Variants in ATP8A2 observed in about 807,000 individuals in gnomAD.
The protein encoded by ATP8A2 is ATPase phospholipid transporting 8A2.
In ATP8A2, 100 loss-of-function variants were observed where a neutral mutation model predicts 165.6. The ratio of observed to expected loss-of-function variants is 0.60; its 90% CI spans 0.51 to 0.71. The LOEUF is 0.71. ATP8A2 is among the 30% of genes least tolerant of loss of function. ATP8A2 has a pLI of 0.00. For missense variants in ATP8A2, 1,227 were observed against 1,479.5 expected, an observed-to-expected ratio of 0.83 and a Z score of 2.80; for synonymous variants, 543 against 548.8, an observed-to-expected ratio of 0.99 and a Z score of 0.15.
At chr13:25,860,172 A>G in intron 30 of ATP8A2, 23 bp from the exon 31 acceptor site, 1 of 1,579,268 alleles carries the variant, frequency 6.3e-7, no homozygotes, top group Non-Finnish European at 8.7e-7. Context: ...TTGGATGTTA[A>G]TAGTAACTTC....
intron 1 of ATP8A2, among the ~76,000 whole-genome samples, chr13:25,384,681 CA>C (rs1183077578): frequency 6.6e-6 from 1 of 152,068 alleles, no homozygotes; most frequent in African/African-American, 2.4e-5. Flanking sequence ...TTTTTCATAA[CA>C]GCCTAGTATT....
At chr13:25,519,761 G>C (rs573058309) in intron 2 of ATP8A2, among the ~76,000 whole-genome samples, 1 of 152,116 alleles carries the variant, frequency 6.6e-6, no homozygotes, top group East Asian at 1.9e-4. Flanking sequence ...TTCGTCACAC[G>C]AGTGGGAATG....
intron 6 of ATP8A2, among the ~76,000 whole-genome samples, chr13:25,535,568 C>T (rs2137951833): frequency 6.6e-6 from 1 of 152,258 alleles, no homozygotes; most frequent in African/African-American, 2.4e-5. Context: ...AATCCCAGCA[C>T]TTTGGGAGGC....
rs140079746 is a variant in ATP8A2, at chr13:25,719,131, G to A, written c.2384+19786G>A. Among the ~76,000 whole-genome samples the A allele has an allele frequency of 7.3e-4, 111 of 152,246 alleles. No homozygotes were observed. In the East Asian group the frequency reaches 0.011, roughly 15 times the overall value. On this transcript the variant is annotated intron_variant, in intron 25 of 36. Transcript: ENST00000381655. The stretch of plus-strand genomic sequence containing the variant: ...GATCCTGTGAATCCATCTCCGTGTC[G>A]GAAACTTCCGTGATCCGGCTCTATG...
At chr13:25,460,873 G>A (rs1308467575) in intron 1 of ATP8A2, among the ~76,000 whole-genome samples, 2 of 151,938 alleles carry the variant, frequency 1.3e-5, no homozygotes, top group Non-Finnish European at 1.5e-5. Flanking sequence ...CTGTTTCTTT[G>A]GCCCCCATTG....
At chr13:25,959,542 G>A (rs1955608098) in intron 33 of ATP8A2, among the ~76,000 whole-genome samples, 1 of 152,212 alleles carries the variant, frequency 6.6e-6, no homozygotes, top group Admixed American at 6.5e-5. Flanking sequence ...GTACGTGTGG[G>A]TGTACCTCAT....
At chr13:25,659,792 A>T (rs543466747) in intron 24 of ATP8A2, among the ~76,000 whole-genome samples, 1 of 152,188 alleles carries the variant, frequency 6.6e-6, no homozygotes, top group South Asian at 2.1e-4. Context: ...CAGCTTTGTG[A>T]TGTCATTGAA....
chr13:25,831,390 T>G, intron 28 of ATP8A2, among the ~76,000 whole-genome samples: 1 of 151,916 alleles, frequency 6.6e-6, no homozygotes, highest in Admixed American at 6.6e-5. Context: ...AATTTTTGTA[T>G]TTTTAGTAGA....
intron 1 of ATP8A2, among the ~76,000 whole-genome samples, chr13:25,396,503 G>C (rs1282401954): frequency 6.6e-6 from 1 of 152,108 alleles, no homozygotes; most frequent in Admixed American, 6.5e-5. Context: ...AGAAACTTCT[G>C]CTTCTGAGGC....
At chr13:25,943,218 G>A (rs1321677894) in intron 33 of ATP8A2, among the ~76,000 whole-genome samples, 10 of 152,130 alleles carry the variant, frequency 6.6e-5, no homozygotes, top group African/African-American at 9.7e-5. Context: ...TAGTTCAGCC[G>A]TTGCAAGCTT....
chr13:25,392,066 A>G (rs923504114), intron 1 of ATP8A2, among the ~76,000 whole-genome samples: 1 of 152,146 alleles, frequency 6.6e-6, no homozygotes, highest in Admixed American at 6.5e-5. Context: ...TAGTGCAGTG[A>G]GCTCAGCCCA....
chr13:25,511,340 C>T (rs895116271), intron 2 of ATP8A2, among the ~76,000 whole-genome samples: 3 of 152,050 alleles, frequency 2.0e-5, no homozygotes, highest in Admixed American at 2.0e-4. Context: ...TGGTTTTACC[C>T]CTTCCCCTCC....
At chr13:25,861,668 A>G (rs1952357683) in intron 32 of ATP8A2, among the ~76,000 whole-genome samples, 1 of 152,176 alleles carries the variant, frequency 6.6e-6, no homozygotes, top group Non-Finnish European at 1.5e-5. Context: ...GGTAGTGAGA[A>G]GTGGTCGGAG....
intron 1 of ATP8A2, among the ~76,000 whole-genome samples, chr13:25,467,472 C>T (rs2035700327): frequency 6.6e-6 from 1 of 152,086 alleles, no homozygotes; most frequent in South Asian, 2.1e-4. Flanking sequence ...GTAGCGAAAA[C>T]TTTCTCTTTA....
At chr13:25,904,796 T>C (rs1326512646) in intron 33 of ATP8A2, among the ~76,000 whole-genome samples, 1 of 152,248 alleles carries the variant, frequency 6.6e-6, no homozygotes, top group Admixed American at 6.5e-5. Context: ...CATCAGACTC[T>C]GAGCACCTGA....
chr13:25,431,512 A>T lies in ATP8A2; in HGVS notation c.77-37465A>T, dbSNP rs565796788. On this transcript the variant is annotated intron_variant, in intron 1 of 36. Coordinates refer to ENST00000381655, the MANE Select transcript of ATP8A2 (RefSeq NM_016529.6). ...CTTTTACTTCGGCGGCGGGGGGGGA[A>T]TCTCATACAATTATGATGGAATGGG... is the stretch of plus-strand genomic sequence containing the variant. 3.9e-5 allele frequency among the ~76,000 whole-genome samples: 6 copies of T among 152,120 alleles called. No homozygotes were observed. In the East Asian group the frequency reaches 7.7e-4, roughly 20 times the overall value.
intron 27 of ATP8A2, among the ~76,000 whole-genome samples, chr13:25,794,661 T>A (rs1950459200): frequency 6.6e-6 from 1 of 152,158 alleles, no homozygotes; most frequent in Non-Finnish European, 1.5e-5. Context: ...TTAAAAAGGA[T>A]GAATAATTAT....
chr13:25,868,853 A>G (rs572093525), intron 33 of ATP8A2, among the ~76,000 whole-genome samples: 2 of 152,220 alleles, frequency 1.3e-5, no homozygotes, highest in South Asian at 2.1e-4. Context: ...GCGGATCACA[A>G]GTTCAGGAGA....
At chr13:25,520,338 A>G (rs548338146) in intron 2 of ATP8A2, among the ~76,000 whole-genome samples, 1 of 152,322 alleles carries the variant, frequency 6.6e-6, no homozygotes, top group African/African-American at 2.4e-5. Flanking sequence ...TGTTGCTGCA[A>G]ATGACAGGAT....
Sources: gnomAD v4.1 joint callset for allele counts (sites outside exome capture counted in the v4.1 genomes callset) on GRCh38, gnomAD v4.1.1 for gene constraint, MANE v1.5 for transcripts, NCBI Gene and HGNC (gene_info 2026-07-23, HGNC 2026-07-21) for gene names.